The following MACROD2 variants were observed in gnomAD, a reference collection of about 807,000 sequenced individuals.
The protein encoded by MACROD2 is ADP-ribose glycohydrolase MACROD2.
A neutral mutation model predicts 70.4 loss-of-function variants in MACROD2; 36 were observed. That is an observed-to-expected ratio of 0.51 (90% CI 0.39 to 0.68). The LOEUF (loss-of-function observed/expected upper bound fraction) is 0.68. MACROD2 is among the 30% of genes least tolerant of loss of function. The pLI is 0.00. For missense variants in MACROD2, 496 were observed against 538.4 expected, an observed-to-expected ratio of 0.92 and a Z score of 0.78; for synonymous variants, 172 against 178.8, an observed-to-expected ratio of 0.96 and a Z score of 0.30.
At chr20:15,647,560 C>T (rs905312164) in intron 8 of MACROD2, among the ~76,000 whole-genome samples, 3 of 151,832 alleles carry the variant, frequency 2.0e-5, no homozygotes, top group Admixed American at 2.0e-4. Flanking sequence ...TTTTTCTTTC[C>T]GTTTTTGGTA....
At chr20:14,399,294 G>A (rs1005807427) in intron 3 of MACROD2, among the ~76,000 whole-genome samples, 2 of 151,980 alleles carry the variant, frequency 1.3e-5, no homozygotes, top group Non-Finnish European at 2.9e-5. Flanking sequence ...CTGCCACCGT[G>A]CCTGGCCTGA....
intron 15 of MACROD2, among the ~76,000 whole-genome samples, chr20:16,010,172 G>A (rs1026750831): frequency 6.6e-6 from 1 of 152,126 alleles, no homozygotes; most frequent in Non-Finnish European, 1.5e-5. Flanking sequence ...AGAAGAGAGA[G>A]GAGAGGGAGA....
chr20:14,515,465 G>GCGCACACACACACACACACACACA (rs1369248292), intron 4 of MACROD2, among the ~76,000 whole-genome samples: 7 of 127,064 alleles, frequency 5.5e-5, no homozygotes, highest in Non-Finnish European at 8.4e-5. Flanking sequence ...ACACACACAC[G>GCGCACACACACACACACACACACA]CACACACACA....
At chr20:15,733,094 T>G (rs2050968786) in intron 8 of MACROD2, among the ~76,000 whole-genome samples, 1 of 152,214 alleles carries the variant, frequency 6.6e-6, no homozygotes, top group Non-Finnish European at 1.5e-5. Flanking sequence ...CCATTACATC[T>G]AAGTTGATTT....
At chr20:15,000,735 T>A (rs1268047635) in intron 5 of MACROD2, among the ~76,000 whole-genome samples, 1 of 151,614 alleles carries the variant, frequency 6.6e-6, no homozygotes, top group African/African-American at 2.4e-5. Context: ...TCCACTTTGT[T>A]GTATGTGTGT....
chr20:14,234,440 C>A (rs907398006), intron 3 of MACROD2, among the ~76,000 whole-genome samples: 7 of 152,064 alleles, frequency 4.6e-5, no homozygotes, highest in African/African-American at 1.7e-4. Context: ...CTTAGTTCAT[C>A]TGTTATTTTC....
chr20:14,389,460 A>C (rs528891028), intron 3 of MACROD2, among the ~76,000 whole-genome samples: 3 of 149,990 alleles, frequency 2.0e-5, no homozygotes, highest in African/African-American at 7.4e-5. Context: ...GTCTCCGTCA[A>C]TTGCCCAGGC....
intron 6 of MACROD2, among the ~76,000 whole-genome samples, chr20:15,232,082 T>G (rs1377527596): frequency 6.6e-6 from 1 of 152,000 alleles, no homozygotes; most frequent in African/African-American, 2.4e-5. Flanking sequence ...CTTCCTTCCT[T>G]TCTTCCTTTC....
At chr20:14,219,149 C>G (rs780170774) in intron 3 of MACROD2, among the ~76,000 whole-genome samples, 2 of 152,186 alleles carry the variant, frequency 1.3e-5, no homozygotes, top group Non-Finnish European at 2.9e-5. Context: ...TTAGAATTCT[C>G]CTCTTCCTCA....
chr20:15,146,218 C>CCTATTTTCTCATG (rs1412526391), intron 5 of MACROD2, among the ~76,000 whole-genome samples: 1 of 151,980 alleles, frequency 6.6e-6, no homozygotes, highest in Non-Finnish European at 1.5e-5. Context: ...TTTGATTTTT[C>CCTATTTTCTCATG]CTATTTTCTC....
chr20:15,310,060 C>A (rs2077735952), intron 6 of MACROD2, among the ~76,000 whole-genome samples: 1 of 152,052 alleles, frequency 6.6e-6, no homozygotes, highest in Non-Finnish European at 1.5e-5. Context: ...CATAGTATGG[C>A]CAGATTAATT....
chr20:14,880,679 C>T (rs1164427026), intron 5 of MACROD2, among the ~76,000 whole-genome samples: 1 of 152,202 alleles, frequency 6.6e-6, no homozygotes, highest in Non-Finnish European at 1.5e-5. Context: ...TGCAGTCAGC[C>T]TCCCTCTAAT....
chr20:15,138,094 T>A (rs913787458), intron 5 of MACROD2, among the ~76,000 whole-genome samples: 5 of 152,166 alleles, frequency 3.3e-5, no homozygotes, highest in African/African-American at 1.2e-4. Flanking sequence ...TATATTCTGA[T>A]ATGAGATGAA....
intron 15 of MACROD2, among the ~76,000 whole-genome samples, chr20:16,021,893 A>G (rs1373243409): frequency 6.6e-6 from 1 of 152,182 alleles, no homozygotes; most frequent in Non-Finnish European, 1.5e-5. Flanking sequence ...AACAAAATAT[A>G]AGCATTGAAT....
At chr20:14,765,838 A>G (rs1399729771) in intron 5 of MACROD2, among the ~76,000 whole-genome samples, 1 of 152,042 alleles carries the variant, frequency 6.6e-6, no homozygotes, top group Non-Finnish European at 1.5e-5. Flanking sequence ...GGAACCCTGA[A>G]TGCTTCATGA....
intron 5 of MACROD2, among the ~76,000 whole-genome samples, chr20:15,143,973 A>AC (rs1568599072): frequency 7.4e-5 from 11 of 147,768 alleles, no homozygotes; most frequent in East Asian, 2.0e-4. Context: ...AAAAAAAAAA[A>AC]AACCTCATAA....
intron 5 of MACROD2, among the ~76,000 whole-genome samples, chr20:15,047,421 G>GA (rs1457770819): frequency 2.0e-5 from 3 of 151,854 alleles, no homozygotes; most frequent in African/African-American, 4.8e-5. Context: ...AAGTAAGAAT[G>GA]AAAAAAATAC....
At chr20:15,261,219 T>C (rs1027165045) in intron 6 of MACROD2, among the ~76,000 whole-genome samples, 14 of 151,964 alleles carry the variant, frequency 9.2e-5, no homozygotes, top group Non-Finnish European at 1.9e-4. Context: ...TTATACGGTT[T>C]GGCATTGATC....
intron 8 of MACROD2, among the ~76,000 whole-genome samples, chr20:15,570,112 C>T (rs1331900192): frequency 6.6e-6 from 1 of 151,964 alleles, no homozygotes; most frequent in Non-Finnish European, 1.5e-5. Flanking sequence ...TGAAACAATT[C>T]CTATTGTTTT....
Sources: gnomAD v4.1 joint callset for allele counts (sites outside exome capture counted in the v4.1 genomes callset) on GRCh38, gnomAD v4.1.1 for gene constraint, MANE v1.5 for transcripts, NCBI Gene and HGNC (gene_info 2026-07-23, HGNC 2026-07-21) for gene names.